The following GRM4 variants were observed in gnomAD, a reference collection of about 807,000 sequenced individuals.
GRM4 encodes metabotropic glutamate receptor 4.
A neutral mutation model predicts 81.7 loss-of-function variants in GRM4; 28 were observed. That is an observed-to-expected ratio of 0.34 (90% confidence interval 0.25 to 0.47). GRM4 has a LOEUF of 0.47. Ranked by LOEUF, GRM4 falls within the 20% of genes least tolerant of loss-of-function variation. GRM4 has a pLI of 1.00. For synonymous variants in GRM4, 488 were observed against 528.8 expected (o/e 0.92, Z 1.06); for missense variants, 948 against 1,290.0 (o/e 0.73, Z 4.06).
chr6:34,136,563 GACACACAC>G lies in GRM4; in HGVS notation c.-363-2712_-363-2705del, dbSNP rs10635207. ...GCTGAGCAGTGCATGCGCGCGTGCG[GACACACAC>G]ACACACACACACACACACACACACA... On this transcript the variant is annotated intron_variant, in intron 1 of 10. Coordinates refer to ENST00000538487, the MANE Select transcript of GRM4 (RefSeq NM_000841.4). This position sits in a 1 kb window ranked among gnomAD's most constrained non-coding sequence, Gnocchi z 4.1. 0.031 allele frequency among the ~76,000 whole-genome samples: 4,388 copies of G among 142,306 alleles called. 116 individuals are homozygous for G. Among genetic ancestry groups the G allele is most frequent in the South Asian group, 0.058 (248 of 4,284 alleles). 93.4% of individuals were successfully genotyped at this position (142,306 alleles called of 152,430 possible). A position where few individuals can be genotyped will look rare whatever the true frequency, so the allele number is the denominator to read the frequency against.
At chr6:34,091,386 C>T (rs1009152841) in intron 3 of GRM4, among the ~76,000 whole-genome samples, 2 of 152,150 alleles carry the variant, frequency 1.3e-5, no homozygotes, top group Admixed American at 6.5e-5. Context: ...CAAACCCCAC[C>T]CACAGGGACA....
intron 9 of GRM4, among the ~76,000 whole-genome samples, chr6:34,032,875 A>G (rs11759763): frequency 0.097 from 14,716 of 152,132 alleles, 977 homozygotes; most frequent in Non-Finnish European, 0.14. Flanking sequence ...CCAGGGGGAA[A>G]TATGGCAAGG....
In GRM4 at chr6:34,111,910, C is replaced by G. The variant is rs992207257; in HGVS notation, c.520-19811G>C. ...GACGCACCCCCACCTGTTCCATTTC[C>G]TGATTGTCCAGATCTTATTGAGGTT... On this transcript the variant is annotated intron_variant, in intron 2 of 10. Transcript: ENST00000538487. The surrounding 1 kb of genome is among the most constrained non-coding windows in gnomAD (Gnocchi z 5.1). Among the ~76,000 whole-genome samples, 5 of 152,068 alleles carry G rather than the reference C, an allele frequency of 3.3e-5. No individual in the cohort carries two copies. Among genetic ancestry groups the G allele is most frequent in the African/African-American group, 1.2e-4 (5 of 41,386 alleles).
chr6:34,125,455 T>C (rs2127506860), intron 2 of GRM4, among the ~76,000 whole-genome samples: 1 of 152,282 alleles, frequency 6.6e-6, no homozygotes, highest in South Asian at 2.1e-4. Context: ...CTGAGGCTAC[T>C]AGGTGTCCAA....
intron 2 of GRM4, among the ~76,000 whole-genome samples, chr6:34,113,978 C>G (rs1769487231): frequency 6.6e-6 from 1 of 152,146 alleles, no homozygotes; most frequent in Non-Finnish European, 1.5e-5. Context: ...AATGTTCCTG[C>G]TTCAGGGTCT....
chr6:34,083,520 A>C (rs979346646), intron 3 of GRM4, among the ~76,000 whole-genome samples: 33 of 151,860 alleles, frequency 2.2e-4, no homozygotes, highest in Non-Finnish European at 4.4e-4. Flanking sequence ...CTTAATTTCC[A>C]CCCGCAGCAG....
Position 34,059,485 on chromosome 6 carries a change from C to A in GRM4, c.873-357G>T. 1 of 323,144 alleles carries A rather than the reference C, an allele frequency of 3.1e-6. No homozygotes were observed. Among genetic ancestry groups the A allele is most frequent in the Non-Finnish European group, 5.9e-6 (1 of 169,786 alleles). 20.0% of individuals were successfully genotyped at this position (323,144 alleles called of 1,614,324 possible). On this transcript the variant is annotated intron_variant, in intron 4 of 10. Transcript: ENST00000538487. The surrounding 1 kb of genome is among the most constrained non-coding windows in gnomAD (Gnocchi z 5.7). ...GCCCCACAACCACCTCTGCCCAGCC[C>A]CGGTCCCCTGAGACGCATGCCTTCC...
chr6:34,133,603 G>A lies in GRM4; in HGVS notation c.-107C>T. 2.7e-6 allele frequency: 4 copies of A among 1,472,952 alleles called. No individual in the cohort carries two copies. Among genetic ancestry groups the A allele is most frequent in the Non-Finnish European group, 3.6e-6 (4 of 1,120,734 alleles). 91.2% of individuals were successfully genotyped at this position (1,472,952 alleles called of 1,614,324 possible). A position where few individuals can be genotyped will look rare whatever the true frequency, so the allele number is the denominator to read the frequency against. On this transcript the variant is annotated 5_prime_UTR_variant, in exon 2 of 11. Coordinates refer to ENST00000538487, the MANE Select transcript of GRM4 (RefSeq NM_000841.4). The surrounding 1 kb of genome is among the most constrained non-coding windows in gnomAD (Gnocchi z 6.5). The stretch of plus-strand genomic sequence containing the variant: ...TGGGCAGGGCAGCTTCAGCAGCAGG[G>A]GGACTGAGGGCAGCCAACCGCGTAG...
At chr6:34,100,729 C>T (rs1004425279) in intron 2 of GRM4, among the ~76,000 whole-genome samples, 1 of 152,260 alleles carries the variant, frequency 6.6e-6, no homozygotes, top group Non-Finnish European at 1.5e-5. Flanking sequence ...TTCAAGATCT[C>T]TGCCTTCTTG....
At position 34,022,806 on chromosome 6, in the gene GRM4, A is replaced by C; in HGVS notation, c.*15T>G. ...GTCACGGCTCCTCCTCCTGCTGCTCAGCTCCATGGACTCGCTAGATTGCAT... is the reference window on the plus strand; with the variant it reads ...GTCACGGCTCCTCCTCCTGCTGCTCCGCTCCATGGACTCGCTAGATTGCAT... On this transcript the variant is annotated 3_prime_UTR_variant, in exon 11 of 11. Transcript: ENST00000538487. The surrounding 1 kb of genome is among the most constrained non-coding windows in gnomAD (Gnocchi z 5.6). The C allele has an allele frequency of 6.2e-7, 1 of 1,610,934 alleles. No homozygotes were observed. Among genetic ancestry groups the C allele is most frequent in the East Asian group, 2.2e-5 (1 of 44,862 alleles).
intron 8 of GRM4, among the ~76,000 whole-genome samples, chr6:34,037,040 C>G (rs1291005228): frequency 1.3e-5 from 2 of 152,200 alleles, no homozygotes; most frequent in Non-Finnish European, 2.9e-5. Flanking sequence ...AGCCCCATCC[C>G]AGACCTACTA....
At chr6:34,113,358 C>A (rs1157683063) in intron 2 of GRM4, among the ~76,000 whole-genome samples, 1 of 152,142 alleles carries the variant, frequency 6.6e-6, no homozygotes, top group Admixed American at 6.6e-5. Flanking sequence ...CACTATGTTG[C>A]CCAGGCTGGT....
chr6:34,068,163 G>T lies in GRM4; in HGVS notation c.737-6135C>A, dbSNP rs574603499. The stretch of plus-strand genomic sequence containing the variant: ...ATGACGTGCTGGAGGGAGACGGGGG[G>T]GCTGCATCCCCTCAGCCCACCTGGA... On this transcript the variant is annotated intron_variant, in intron 3 of 10. Coordinates refer to ENST00000538487, the MANE Select transcript of GRM4 (RefSeq NM_000841.4). This position sits in a 1 kb window ranked among gnomAD's most constrained non-coding sequence, Gnocchi z 4.2. Among the ~76,000 whole-genome samples the T allele has an allele frequency of 8.5e-5, 13 of 152,160 alleles. No individual in the cohort carries two copies. Among genetic ancestry groups the T allele is most frequent in the African/African-American group, 1.2e-4 (5 of 41,412 alleles).
chr6:34,065,257 C>G (rs945161808), intron 3 of GRM4, among the ~76,000 whole-genome samples: 3 of 152,144 alleles, frequency 2.0e-5, no homozygotes, highest in Non-Finnish European at 4.4e-5. Context: ...AGCCCACCAG[C>G]CATCCCTGTG....
intron 3 of GRM4, among the ~76,000 whole-genome samples, chr6:34,079,413 G>A (rs1261089073): frequency 1.3e-5 from 2 of 152,178 alleles, no homozygotes; most frequent in African/African-American, 2.4e-5. Flanking sequence ...AGAGACACAA[G>A]AGATTTTTGG....
intron 3 of GRM4, among the ~76,000 whole-genome samples, chr6:34,065,652 A>G (rs1365623620): frequency 6.6e-6 from 1 of 151,624 alleles, no homozygotes; most frequent in Non-Finnish European, 1.5e-5. Flanking sequence ...AAACACCCGA[A>G]TGCCACTTGC....
At chr6:34,110,951 G>A (rs942443755) in intron 2 of GRM4, 10 of 857,692 alleles carry the variant, frequency 1.2e-5, no homozygotes, top group Non-Finnish European at 1.5e-5. Flanking sequence ...CCAGGGGAAC[G>A]CTGTGCCCCA....
intron 6 of GRM4, among the ~76,000 whole-genome samples, chr6:34,046,769 C>T (rs894837414): frequency 6.6e-6 from 1 of 152,172 alleles, no homozygotes; most frequent in Non-Finnish European, 1.5e-5. Flanking sequence ...CATGTCTACA[C>T]CACACACCTA....
At chr6:34,107,453 A>G (rs1223719449) in intron 2 of GRM4, among the ~76,000 whole-genome samples, 1 of 152,174 alleles carries the variant, frequency 6.6e-6, no homozygotes, top group African/African-American at 2.4e-5. Context: ...CCAGAAGGAG[A>G]GCTGGCCTCT....
Sources: allele counts gnomAD v4.1 joint callset (sites outside exome capture counted in the v4.1 genomes callset), GRCh38; gene constraint gnomAD v4.1.1; non-coding constraint Gnocchi (gnomAD v3.1); transcripts MANE v1.5; gene names NCBI Gene and HGNC (gene_info 2026-07-23, HGNC 2026-07-21).